PSD3: variants seen among roughly 807,000 people sequenced by gnomAD.
PSD3 encodes the protein pleckstrin and Sec7 domain containing 3, also known as PH and SEC7 domain-containing protein 3.
PSD3 carries 49 observed loss-of-function variants against 105.5 expected under a neutral mutation model. The ratio of observed to expected loss-of-function variants is 0.46; its 90% CI spans 0.37 to 0.59. The LOEUF (loss-of-function observed/expected upper bound fraction) is 0.59. Ranked by LOEUF, PSD3 falls within the 20% of genes least tolerant of loss-of-function variation. PSD3 has a pLI of 0.00. For synonymous variants in PSD3, 557 were observed against 457.8 expected, an observed-to-expected ratio of 1.22 and a Z score of -2.77; for missense variants, 1,561 against 1,263.8, an observed-to-expected ratio of 1.24 and a Z score of -3.57.
chr8:18,874,443 T>C (rs1356126379), intron 2 of PSD3, among the ~76,000 whole-genome samples: 1 of 152,012 alleles, frequency 6.6e-6, no homozygotes, highest in Non-Finnish European at 1.5e-5. Flanking sequence ...GGGATTACAG[T>C]CATGAGCCAT....
chr8:18,552,521 C>G (rs950721626), intron 15 of PSD3, among the ~76,000 whole-genome samples: 3 of 152,178 alleles, frequency 2.0e-5, no homozygotes, highest in Admixed American at 6.5e-5. Context: ...ACAGCTCAAC[C>G]AACTGTGCTT....
chr8:18,675,229 C>A (rs1252613584), intron 9 of PSD3, among the ~76,000 whole-genome samples: 1 of 152,138 alleles, frequency 6.6e-6, no homozygotes, highest in Non-Finnish European at 1.5e-5. Flanking sequence ...GTTCCCTTGT[C>A]ATGAGCCACT....
At chr8:19,035,371 T>A (rs1467204057) in intron 1 of PSD3, among the ~76,000 whole-genome samples, 1 of 152,182 alleles carries the variant, frequency 6.6e-6, no homozygotes, top group East Asian at 1.9e-4. Context: ...ACTATGAACA[T>A]GAAAACTGCT....
At chr8:18,950,088 A>C (rs778452620) in intron 1 of PSD3, among the ~76,000 whole-genome samples, 1 of 152,160 alleles carries the variant, frequency 6.6e-6, no homozygotes, top group Non-Finnish European at 1.5e-5. Context: ...GCACCTATTT[A>C]AACTATAGCT....
At chr8:18,656,783 G>C (rs1808928102) in intron 9 of PSD3, among the ~76,000 whole-genome samples, 1 of 151,982 alleles carries the variant, frequency 6.6e-6, no homozygotes, top group South Asian at 2.1e-4. Flanking sequence ...TCATGACCAT[G>C]ATAATAGTGC....
chr8:18,984,149 TG>T (rs1825382276), intron 1 of PSD3, among the ~76,000 whole-genome samples: 1 of 151,168 alleles, frequency 6.6e-6, no homozygotes, highest in Admixed American at 6.6e-5. Context: ...AAAATGATGC[TG>T]AAAGACTTGC....
chr8:18,886,672 C>T (rs1818469604), intron 2 of PSD3, among the ~76,000 whole-genome samples: 1 of 152,166 alleles, frequency 6.6e-6, no homozygotes. Flanking sequence ...ATCAGTTTAA[C>T]GCTTGAGAAA....
intron 8 of PSD3, among the ~76,000 whole-genome samples, chr8:18,771,533 G>C (rs1807530049): frequency 6.6e-6 from 1 of 152,194 alleles, no homozygotes; most frequent in Admixed American, 6.5e-5. Context: ...ATAGAAAGCA[G>C]AGATTCAACT....
intron 2 of PSD3, among the ~76,000 whole-genome samples, chr8:18,913,716 C>G (rs1310418541): frequency 1.3e-5 from 2 of 152,170 alleles, no homozygotes. Flanking sequence ...GGTCTAAGCA[C>G]CAGGCTGGCC....
upstream of PSD3, among the ~76,000 whole-genome samples, chr8:19,017,049 A>G (rs1351902320): frequency 1.7e-5 from 2 of 114,506 alleles, no homozygotes; most frequent in Admixed American, 1.3e-4. Flanking sequence ...TTGGCTACAT[A>G]CTTTTTTTTT....
intron 9 of PSD3, among the ~76,000 whole-genome samples, chr8:18,761,647 T>A (rs974121928): frequency 2.6e-5 from 4 of 152,190 alleles, no homozygotes; most frequent in Non-Finnish European, 5.9e-5. Flanking sequence ...CTAGCCTGCA[T>A]TCTACATTCT....
chr8:18,907,993 T>C (rs1819958971), intron 2 of PSD3, among the ~76,000 whole-genome samples: 1 of 152,186 alleles, frequency 6.6e-6, no homozygotes. Flanking sequence ...CAACGTGAAA[T>C]GGTTAAAATC....
intron 1 of PSD3, chr8:18,940,258 C>T (rs764337892): frequency 2.0e-5 from 3 of 152,138 alleles, no homozygotes; most frequent in Admixed American, 6.5e-5. Context: ...CAATGGTCTT[C>T]GTACTCTGTT....
intron 9 of PSD3, among the ~76,000 whole-genome samples, chr8:18,753,319 A>T (rs1417547129): frequency 6.6e-6 from 1 of 150,878 alleles, no homozygotes; most frequent in Non-Finnish European, 1.5e-5. Flanking sequence ...ATGCCACTGT[A>T]CTCCAGCCTA....
At chr8:18,621,639 C>T (rs978472626) in intron 11 of PSD3, among the ~76,000 whole-genome samples, 2 of 152,186 alleles carry the variant, frequency 1.3e-5, no homozygotes, top group Non-Finnish European at 2.9e-5. Flanking sequence ...CCTGCGCGTT[C>T]ACATGGCTGC....
chr8:18,888,297 T>C (rs1307418058), intron 2 of PSD3, among the ~76,000 whole-genome samples: 1 of 152,228 alleles, frequency 6.6e-6, no homozygotes, highest in Non-Finnish European at 1.5e-5. Flanking sequence ...GGCATGACCT[T>C]GGGCCAATGC....
intron 11 of PSD3, among the ~76,000 whole-genome samples, chr8:18,616,623 C>T (rs13264611): frequency 0.16 from 15,437 of 95,706 alleles, 1,207 homozygotes; most frequent in Middle Eastern, 0.3. Context: ...CCTCTCTTTT[C>T]TTTTCTTTTT....
intron 14 of PSD3, among the ~76,000 whole-genome samples, chr8:18,568,296 C>A (rs1384636723): frequency 7.2e-6 from 1 of 139,114 alleles, no homozygotes; most frequent in East Asian, 2.3e-4. Flanking sequence ...TCCCCCCTTT[C>A]TTGGCACAAC....
At chr8:18,965,509 C>A (rs12676443) in intron 1 of PSD3, among the ~76,000 whole-genome samples, 2 of 152,098 alleles carry the variant, frequency 1.3e-5, no homozygotes, top group Non-Finnish European at 1.5e-5. Flanking sequence ...GAGAAAGGAC[C>A]CATGCCCGGT....
Sources: gnomAD v4.1 joint callset for allele counts (sites outside exome capture counted in the v4.1 genomes callset) on GRCh38, gnomAD v4.1.1 for gene constraint, MANE v1.5 for transcripts, NCBI Gene and HGNC (gene_info 2026-07-23, HGNC 2026-07-21) for gene names.